Variants in DNM3 observed in about 807,000 individuals in gnomAD.
DNM3 encodes dynamin 3.
In DNM3, 47 loss-of-function variants were observed where a neutral mutation model predicts 101.6. The ratio of observed to expected loss-of-function variants is 0.46; its 90% CI spans 0.37 to 0.59. The LOEUF (loss-of-function observed/expected upper bound fraction) is 0.59. Among genes scored for constraint, DNM3 ranks in the 20% least tolerant of loss-of-function variants. The probability of loss-of-function intolerance (pLI) is 0.00; values close to 1 mark genes in which losing one functional copy is unlikely to be tolerated. For missense variants in DNM3, 849 were observed against 1,085.7 expected (o/e 0.78, Z 3.06); for synonymous variants, 385 against 387.9 (o/e 0.99, Z 0.09).
chr1:172,128,492 A>C (rs1246786184), intron 13 of DNM3, among the ~76,000 whole-genome samples: 1 of 152,228 alleles, frequency 6.6e-6, no homozygotes, highest in African/African-American at 2.4e-5. Context: ...GTAATTAAAA[A>C]ATTTCTGATA....
intron 2 of DNM3, among the ~76,000 whole-genome samples, chr1:171,987,079 G>C (rs2125612980): frequency 6.6e-6 from 1 of 152,060 alleles, no homozygotes; most frequent in African/African-American, 2.4e-5. Context: ...TATTTGCTTT[G>C]ATATAATACT....
intron 17 of DNM3, among the ~76,000 whole-genome samples, chr1:172,344,933 A>G (rs1391146946): frequency 2.6e-5 from 4 of 152,240 alleles, no homozygotes; most frequent in Admixed American, 6.5e-5. Context: ...CTAAAGAAGC[A>G]TTCTATTAAT....
chr1:171,993,498 C>CTTTTTTTTTTTTTTTTTTTTTTTTTTTT (rs145178902), intron 4 of DNM3, among the ~76,000 whole-genome samples: 2 of 128,694 alleles, frequency 1.6e-5, no homozygotes, highest in Non-Finnish European at 1.6e-5. Context: ...TTTCAAGATT[C>CTTTTTTTTTTTTTTTTTTTTTTTTTTTT]TTTTTTTTTT....
At chr1:172,255,055 G>T (rs775556499) in intron 15 of DNM3, among the ~76,000 whole-genome samples, 2 of 151,952 alleles carry the variant, frequency 1.3e-5, no homozygotes, top group African/African-American at 2.4e-5. Context: ...AAAAGAAGAC[G>T]TCTTCCTACA....
intron 14 of DNM3, among the ~76,000 whole-genome samples, chr1:172,198,873 G>T (rs2060050629): frequency 6.6e-6 from 1 of 151,758 alleles, no homozygotes; most frequent in African/African-American, 2.4e-5. Flanking sequence ...TGGATTCATT[G>T]TTCTTTTGAA....
chr1:172,046,303 G>A (rs1356270972), intron 9 of DNM3, among the ~76,000 whole-genome samples: 1 of 151,954 alleles, frequency 6.6e-6, no homozygotes, highest in African/African-American at 2.4e-5. Flanking sequence ...ACTATCTCAA[G>A]GACAAAAAAC....
intron 2 of DNM3, among the ~76,000 whole-genome samples, chr1:171,942,377 A>G (rs1462080289): frequency 6.6e-6 from 1 of 152,100 alleles, no homozygotes; most frequent in Non-Finnish European, 1.5e-5. Flanking sequence ...AGAGATATAC[A>G]GCAAACTTTT....
intron 2 of DNM3, among the ~76,000 whole-genome samples, chr1:171,963,860 C>T (rs916124792): frequency 2.6e-5 from 4 of 151,646 alleles, no homozygotes; most frequent in African/African-American, 7.3e-5. Flanking sequence ...AAATTCCAAG[C>T]CCCCCATCCA....
chr1:171,984,538 C>T (rs2125602381), intron 2 of DNM3, among the ~76,000 whole-genome samples: 1 of 152,298 alleles, frequency 6.6e-6, no homozygotes, highest in East Asian at 1.9e-4. Flanking sequence ...AGTCATTGCT[C>T]AAAGGTCACT....
intron 14 of DNM3, among the ~76,000 whole-genome samples, chr1:172,222,280 T>C (rs534250470): frequency 6.6e-6 from 1 of 152,326 alleles, no homozygotes; most frequent in East Asian, 1.9e-4. Flanking sequence ...GGATATATGA[T>C]CCAAGCTCTT....
intron 11 of DNM3, among the ~76,000 whole-genome samples, chr1:172,071,042 G>A (rs1200200145): frequency 1.5e-5 from 2 of 136,700 alleles, no homozygotes; most frequent in East Asian, 4.6e-4. Flanking sequence ...GTGAGCTATG[G>A]TCATGCCACT....
intron 4 of DNM3, among the ~76,000 whole-genome samples, chr1:171,997,313 T>C (rs547600052): frequency 2.0e-5 from 3 of 152,290 alleles, no homozygotes; most frequent in African/African-American, 7.2e-5. Flanking sequence ...ATAAGCATAA[T>C]TTCAGATTCA....
intron 14 of DNM3, among the ~76,000 whole-genome samples, chr1:172,165,299 CTCTT>C (rs1020602714): frequency 6.6e-6 from 1 of 151,318 alleles, no homozygotes; most frequent in Non-Finnish European, 1.5e-5. Context: ...AAATGACAAT[CTCTT>C]TCAGGGGAAA....
rs1301212624 is a variant in DNM3, at chr1:172,411,012, AGTAG to A, written c.*3182_*3185del. 2 of 985,078 alleles carry A rather than the reference AGTAG, an allele frequency of 2.0e-6. No individual in the cohort carries two copies. Among genetic ancestry groups the A allele is most frequent in the Non-Finnish European group, 2.4e-6 (2 of 829,790 alleles). The allele number at this position is 985,078 out of a possible 1,614,324, so 61.0% of individuals were successfully genotyped here. A position where few individuals can be genotyped will look rare whatever the true frequency, so the allele number is the denominator to read the frequency against. On this transcript the variant is annotated 3_prime_UTR_variant, in exon 21 of 21. Coordinates refer to ENST00000627582, the MANE Select transcript of DNM3 (RefSeq NM_015569.5). Reference sequence around the variant, plus strand: ...AGTATGTGTATTTTATGTCCATTTGAGTAGGTAGGTAGGTTTTAAAAATACTAGT... The same window carrying A: ...AGTATGTGTATTTTATGTCCATTTGAGTAGGTAGGTTTTAAAAATACTAGT...
At chr1:171,900,652 T>C (rs2038229749) in intron 1 of DNM3, among the ~76,000 whole-genome samples, 1 of 152,102 alleles carries the variant, frequency 6.6e-6, no homozygotes, top group African/African-American at 2.4e-5. Context: ...AATTTTCCTT[T>C]AAGAAGCTTG....
At chr1:172,054,933 C>T (rs1024837093) in intron 10 of DNM3, among the ~76,000 whole-genome samples, 1 of 152,010 alleles carries the variant, frequency 6.6e-6, no homozygotes, top group African/African-American at 2.4e-5. Flanking sequence ...CACTCCAGCC[C>T]AGGCAACAAC....
At chr1:172,380,463 C>T (rs1432186965) in intron 18 of DNM3, among the ~76,000 whole-genome samples, 2 of 152,102 alleles carry the variant, frequency 1.3e-5, no homozygotes, top group Non-Finnish European at 2.9e-5. Flanking sequence ...TATTTTCATA[C>T]ACGTATGTAT....
Position 172,212,614 on chromosome 1 carries a change from TA to T in DNM3, c.1660-40954del, listed in dbSNP as rs1385093536. Among the ~76,000 whole-genome samples, 84 of 152,318 alleles carry T rather than the reference TA, an allele frequency of 5.5e-4. 1 individual carries two copies. The highest frequency in any genetic ancestry group is 1.2e-3 in the East Asian group (6 of 5,182). On this transcript the variant is annotated intron_variant, in intron 14 of 20. Transcript: ENST00000627582. ...ACAGGAGAAGGTGTGATATGTCATTTAAAAAGCCCAAACCTTTCGCTTTGTA... is the reference window on the plus strand; with the variant it reads ...ACAGGAGAAGGTGTGATATGTCATTTAAAAGCCCAAACCTTTCGCTTTGTA...
intron 14 of DNM3, among the ~76,000 whole-genome samples, chr1:172,247,154 G>C (rs531677031): frequency 6.6e-6 from 1 of 152,204 alleles, no homozygotes; most frequent in South Asian, 2.1e-4. Flanking sequence ...TCTGTTGGCT[G>C]GCACAGTGGT....
Sources: allele counts gnomAD v4.1 joint callset (sites outside exome capture counted in the v4.1 genomes callset), GRCh38; gene constraint gnomAD v4.1.1; transcripts MANE v1.5; gene names NCBI Gene and HGNC (gene_info 2026-07-23, HGNC 2026-07-21).